MACF1: variants seen among roughly 807,000 people sequenced by gnomAD.
The protein encoded by MACF1 is microtubule actin crosslinking factor 1.
In MACF1, 193 loss-of-function variants were observed where a neutral mutation model predicts 854.8. That is an observed-to-expected ratio of 0.23 (90% confidence interval 0.20 to 0.25). The LOEUF is 0.25. Among genes scored for constraint, MACF1 ranks in the 10% least tolerant of loss-of-function variants. MACF1 has a pLI of 1.00. For synonymous variants in MACF1, 3,185 were observed against 3,226.7 expected (o/e 0.99, Z 0.44); for missense variants, 7,722 against 8,929.1 (o/e 0.86, Z 5.45).
intron 58 of MACF1, chr1:39,413,803 GCA>G (rs2148619826): frequency 6.2e-7 from 1 of 1,611,730 alleles, no homozygotes; most frequent in African/African-American, 1.3e-5. Flanking sequence ...GCCCACCCCA[GCA>G]GAATCTGCCT....
intron 6 of MACF1, among the ~76,000 whole-genome samples, chr1:39,273,131 ATTTTT>A (rs561821846): frequency 8.3e-6 from 1 of 120,448 alleles, no homozygotes; most frequent in African/African-American, 3.2e-5. Flanking sequence ...CTCTATACCA[ATTTTT>A]TTTTTTTTTT....
chr1:39,435,513 C>T, intron 69 of MACF1, 45 bp from the exon 70 acceptor site: 1 of 1,451,408 alleles, frequency 6.9e-7, no homozygotes. Flanking sequence ...AATACATAAA[C>T]TGGTATAAAA....
At position 39,350,779 on chromosome 1, in the gene MACF1, G is replaced by A. The variant is rs1018948897; in HGVS notation, c.10966-6G>A. On this transcript the variant is annotated splice_region_variant and splice_polypyrimidine_tract_variant and intron_variant, in intron 42 of 100. Coordinates refer to ENST00000564288, the MANE Select transcript of MACF1 (RefSeq NM_001394062.1). ...GGCTCTGCCATTCCTATTTTCTTGT[G>A]TTAAGGATTTACAGGATGACATTCA... is the stretch of plus-strand genomic sequence containing the variant. The A allele has an allele frequency of 2.3e-5, 37 of 1,608,648 alleles. No individual in the cohort carries two copies. The highest frequency in any genetic ancestry group is 3.1e-5 in the Non-Finnish European group (36 of 1,175,380).
chr1:39,176,787 A>G (rs961328582), intron 2 of MACF1, among the ~76,000 whole-genome samples: 3 of 152,230 alleles, frequency 2.0e-5, no homozygotes, highest in South Asian at 4.1e-4. Context: ...GCCAAGTGAT[A>G]TAACTAGTTA....
chr1:39,302,149 A>G (rs1326870119), intron 22 of MACF1, among the ~76,000 whole-genome samples: 1 of 152,060 alleles, frequency 6.6e-6, no homozygotes, highest in Admixed American at 6.6e-5. Flanking sequence ...GGCATGCACT[A>G]CTATACCCGG....
chr1:39,285,773 A>G lies in MACF1; in HGVS notation c.1508+15A>G. 6.2e-7 allele frequency: 1 copy of G among 1,612,290 alleles called. No homozygotes were observed. On this transcript the variant is annotated intron_variant, in intron 14 of 100. Coordinates refer to ENST00000564288, the MANE Select transcript of MACF1 (RefSeq NM_001394062.1). ...CTGGCTTTTAGGTGAGGAACAAGGG[A>G]CTCAAATGGAGGGCTTGCTTGCTTA...
intron 2 of MACF1, among the ~76,000 whole-genome samples, chr1:39,196,488 A>G (rs1019789553): frequency 6.6e-6 from 1 of 152,222 alleles, no homozygotes; most frequent in Non-Finnish European, 1.5e-5. Context: ...GAGGGGACAG[A>G]TGACAAGAGT....
At chr1:39,239,545 A>T (rs1037921754) in intron 2 of MACF1, among the ~76,000 whole-genome samples, 11 of 152,252 alleles carry the variant, frequency 7.2e-5, no homozygotes, top group African/African-American at 2.7e-4. Context: ...TTCTGCTTAT[A>T]TACCAGAACC....
At chr1:39,431,868 A>G (rs909079745) in intron 66 of MACF1, among the ~76,000 whole-genome samples, 1 of 147,232 alleles carries the variant, frequency 6.8e-6, no homozygotes, top group Non-Finnish European at 1.5e-5. Context: ...CCTAGCTATT[A>G]GAGAGGCTGA....
chr1:39,293,165 A>C (rs936884756), intron 17 of MACF1, among the ~76,000 whole-genome samples: 16 of 152,188 alleles, frequency 1.1e-4, no homozygotes, highest in Non-Finnish European at 1.9e-4. Flanking sequence ...TTTCCCTCTG[A>C]TCTGTTGTTT....
chr1:39,155,683 A>G (rs1002347473), intron 2 of MACF1, among the ~76,000 whole-genome samples: 1 of 152,214 alleles, frequency 6.6e-6, no homozygotes, highest in Non-Finnish European at 1.5e-5. Context: ...TCAGATTCTC[A>G]CTGGAGTTTA....
intron 2 of MACF1, among the ~76,000 whole-genome samples, chr1:39,115,985 C>G (rs777142259): frequency 1.3e-5 from 2 of 151,982 alleles, no homozygotes; most frequent in Admixed American, 1.3e-4. Context: ...ATGGAAAGTG[C>G]AGAAGAGGAG....
Position 39,460,825 on chromosome 1 carries a change from C to T in MACF1, c.21523+31C>T, listed in dbSNP as rs1224764408. 1.4e-5 allele frequency: 23 copies of T among 1,611,750 alleles called. No individual in the cohort carries two copies. Among genetic ancestry groups the T allele is most frequent in the Non-Finnish European group, 1.9e-5 (22 of 1,178,124 alleles). The stretch of plus-strand genomic sequence containing the variant: ...TCTAGTCATCATTCCAAACATGGGT[C>T]ACACCTGGATTCCTTGCACTTTGTA... On this transcript the variant is annotated intron_variant, in intron 92 of 100. Transcript: ENST00000564288. This position sits in a 1 kb window ranked among gnomAD's most constrained non-coding sequence, Gnocchi z 4.1.
intron 2 of MACF1, among the ~76,000 whole-genome samples, chr1:39,138,454 G>C (rs1166584651): frequency 1.3e-5 from 2 of 151,332 alleles, no homozygotes; most frequent in Non-Finnish European, 2.9e-5. Flanking sequence ...GCATGGTGGC[G>C]GGTGCCTGTA....
At chr1:39,400,839 C>G (rs980555773) in intron 58 of MACF1, among the ~76,000 whole-genome samples, 2 of 152,234 alleles carry the variant, frequency 1.3e-5, no homozygotes, top group African/African-American at 4.8e-5. Flanking sequence ...ACAGTTACCC[C>G]TCTTTGTGCC....
chr1:39,257,365 C>T (rs1197170090), intron 5 of MACF1, among the ~76,000 whole-genome samples: 1 of 152,056 alleles, frequency 6.6e-6, no homozygotes, highest in Non-Finnish European at 1.5e-5. Context: ...TGCAGTGGCA[C>T]AATCTCTGCT....
intron 53 of MACF1, among the ~76,000 whole-genome samples, 187 bp downstream of exon 53, chr1:39,378,710 G>T (rs1569799843): frequency 6.6e-6 from 1 of 152,154 alleles, no homozygotes; most frequent in Non-Finnish European, 1.5e-5. Context: ...AGCCCCTGAA[G>T]CTAAAGGTAT....
intron 43 of MACF1, among the ~76,000 whole-genome samples, chr1:39,351,581 C>CTTTTTTTTTTTTTTT: frequency 1.2e-5 from 1 of 85,916 alleles, no homozygotes; most frequent in Non-Finnish European, 2.2e-5. Flanking sequence ...AAGCAAATGG[C>CTTTTTTTTTTTTTTT]TTTTTTTTTT....
chr1:39,388,125 G>T lies in MACF1; in HGVS notation c.15283G>T (p.Val5095Phe), dbSNP rs141949859. The T allele has an allele frequency of 3.8e-4, 607 of 1,613,992 alleles. 3 individuals are homozygous for T. Among genetic ancestry groups the T allele is most frequent in the Admixed American group, 8.3e-5 (5 of 59,994 alleles). Residue 5095 changes from valine to phenylalanine, a missense_variant, in exon 58 of 101, where the codon GTC becomes TTC. Val to Phe is a conservative substitution (Grantham distance 50). Transcript: ENST00000564288. Reference sequence around the variant, plus strand: ...TTCTCAACTTCTCCACCAAGCTGAGGTCGCCCAGCAAGAGTTCCTCGAAGT... The same window carrying T: ...TTCTCAACTTCTCCACCAAGCTGAGTTCGCCCAGCAAGAGTTCCTCGAAGT... ...DASQLLHQAE[V>F]AQQEFLEVKQ...
Sources: gnomAD v4.1 joint callset for allele counts (sites outside exome capture counted in the v4.1 genomes callset) on GRCh38, gnomAD v4.1.1 for gene constraint, Gnocchi (gnomAD v3.1) non-coding constraint, MANE v1.5 for transcripts, NCBI Gene and HGNC (gene_info 2026-07-23, HGNC 2026-07-21) for gene names.